The following EIF4EBP2 variants were observed in gnomAD, a reference collection of about 807,000 sequenced individuals.
EIF4EBP2 encodes the protein eukaryotic translation initiation factor 4E binding protein 2, also known as eukaryotic translation initiation factor 4E-binding protein 2.
EIF4EBP2 carries 5 observed loss-of-function variants against 10.3 expected under a neutral mutation model. The observed-to-expected ratio is 0.48, with a 90% CI of 0.25 to 1.02. EIF4EBP2 has a LOEUF of 1.02. Ranked by LOEUF, EIF4EBP2 falls within the 50% of genes least tolerant of loss-of-function variation. EIF4EBP2 has a pLI of 0.15. For synonymous variants in EIF4EBP2, 67 were observed against 61.1 expected (o/e 1.10, Z -0.45); for missense variants, 188 against 162.2 (o/e 1.16, Z -0.86).
intron 1 of EIF4EBP2, among the ~76,000 whole-genome samples, chr10:70,412,369 A>G (rs191626454): frequency 7.2e-4 from 108 of 148,970 alleles, no homozygotes; most frequent in African/African-American, 2.5e-3. Context: ...AGACTTAGTT[A>G]AACAGAATTT....
At chr10:70,419,405 C>T (rs932471382) in intron 1 of EIF4EBP2, among the ~76,000 whole-genome samples, 2 of 151,904 alleles carry the variant, frequency 1.3e-5, no homozygotes, top group Non-Finnish European at 2.9e-5. Flanking sequence ...GAATGTTAGT[C>T]TCAGTCCTTC....
intron 1 of EIF4EBP2, among the ~76,000 whole-genome samples, chr10:70,415,148 A>G (rs566803554): frequency 6.7e-6 from 1 of 150,218 alleles, no homozygotes; most frequent in East Asian, 2.0e-4. Context: ...ACAGAGCAAG[A>G]CCCTCTCTCG....
At chr10:70,419,873 C>A in intron 1 of EIF4EBP2, 41 bp from the exon 2 acceptor site, 1 of 1,413,330 alleles carries the variant, frequency 7.1e-7, no homozygotes, top group Non-Finnish European at 9.6e-7. Flanking sequence ...TGTTGATAAC[C>A]CCTTAAATTG....
chr10:70,425,684 G>T lies in EIF4EBP2; in HGVS notation c.*3937G>T, dbSNP rs3829188. On this transcript the variant is annotated 3_prime_UTR_variant, in exon 3 of 3. Transcript: ENST00000373218. ...TTTGCACATCCTAGACTTGGTGTCTGTAAGACTCAGTTACCACTTTTATTT... is the reference window on the plus strand; with the variant it reads ...TTTGCACATCCTAGACTTGGTGTCTTTAAGACTCAGTTACCACTTTTATTT... 1 of 152,096 alleles carries T rather than the reference G, an allele frequency of 6.6e-6. No homozygotes were observed. Among genetic ancestry groups the T allele is most frequent in the Non-Finnish European group, 1.5e-5 (1 of 68,018 alleles). The allele number at this position is 152,096 out of a possible 1,614,324, so 9.4% of individuals were successfully genotyped here. A position where few individuals can be genotyped will look rare whatever the true frequency, so the allele number is the denominator to read the frequency against.
At position 70,427,203 on chromosome 10, in the gene EIF4EBP2, ACCTAC is replaced by A. The variant is rs772835789; in HGVS notation, c.*5459_*5463del. 3.3e-5 allele frequency: 5 copies of A among 152,136 alleles called. No homozygotes were observed. Among genetic ancestry groups the A allele is most frequent in the Non-Finnish European group, 7.3e-5 (5 of 68,034 alleles). The allele number at this position is 152,136 out of a possible 1,614,324, so 9.4% of individuals were successfully genotyped here. ...ATTAATCTGCAAAACCTAGTCACTT[ACCTAC>A]CCATAATATCTGGGAAGGTGTGGTA... On this transcript the variant is annotated 3_prime_UTR_variant, in exon 3 of 3. Coordinates refer to ENST00000373218, the MANE Select transcript of EIF4EBP2 (RefSeq NM_004096.5).
Position 70,427,008 on chromosome 10 carries a change from A to G in EIF4EBP2, c.*5261A>G, listed in dbSNP as rs551082788. 1 of 152,210 alleles carries G rather than the reference A, an allele frequency of 6.6e-6. No homozygotes were observed. Among genetic ancestry groups the G allele is most frequent in the Non-Finnish European group, 1.5e-5 (1 of 68,052 alleles). 9.4% of individuals were successfully genotyped at this position (152,210 alleles called of 1,614,324 possible). Reference sequence around the variant, plus strand: ...GCATGTTGGCAGCAATATCCCAGAGATTGAATCTGTTTGCATTTTCCTCAT... The same window carrying G: ...GCATGTTGGCAGCAATATCCCAGAGGTTGAATCTGTTTGCATTTTCCTCAT... On this transcript the variant is annotated 3_prime_UTR_variant, in exon 3 of 3. Transcript: ENST00000373218.
At chr10:70,417,483 T>C (rs900756053) in intron 1 of EIF4EBP2, among the ~76,000 whole-genome samples, 2 of 152,238 alleles carry the variant, frequency 1.3e-5, no homozygotes, top group African/African-American at 4.8e-5. Flanking sequence ...AGTGGATCAA[T>C]TGTAAATGAA....
chr10:70,411,186 C>T lies in EIF4EBP2; in HGVS notation c.145+6640C>T, dbSNP rs189839866. Among the ~76,000 whole-genome samples the T allele has an allele frequency of 4.4e-3, 668 of 152,266 alleles. 2 individuals are homozygous for T. Among genetic ancestry groups the T allele is most frequent in the Non-Finnish European group, 7.1e-3 (485 of 68,004 alleles). Reference sequence around the variant, plus strand: ...CATCTTCAGAACGTTTTTCATCTTCCTAAACTGAAACCTCATACCAATTAA... The same window carrying T: ...CATCTTCAGAACGTTTTTCATCTTCTTAAACTGAAACCTCATACCAATTAA... On this transcript the variant is annotated intron_variant, in intron 1 of 2. Transcript: ENST00000373218.
At chr10:70,421,186 T>C (rs1845153823) in intron 2 of EIF4EBP2, among the ~76,000 whole-genome samples, 1 of 152,202 alleles carries the variant, frequency 6.6e-6, no homozygotes, top group South Asian at 2.1e-4. Flanking sequence ...GTTTAAGGTT[T>C]ACCTAAATTA....
intron 1 of EIF4EBP2, among the ~76,000 whole-genome samples, chr10:70,412,934 G>C (rs1010621600): frequency 6.6e-6 from 1 of 152,138 alleles, no homozygotes; most frequent in African/African-American, 2.4e-5. Context: ...GCAGAAAAAT[G>C]AAACTTCAAC....
At chr10:70,409,241 T>G (rs1332102823) in intron 1 of EIF4EBP2, among the ~76,000 whole-genome samples, 1 of 152,204 alleles carries the variant, frequency 6.6e-6, no homozygotes, top group Non-Finnish European at 1.5e-5. Flanking sequence ...CCCTTTCTCC[T>G]TATGAAGGAA....
rs539499423 is a variant in EIF4EBP2 at position 70,404,350 on chromosome 10, C to T, written c.-52C>T. On this transcript the variant is annotated 5_prime_UTR_variant, in exon 1 of 3. Transcript: ENST00000373218. ...CTGAGGAGCCGAAGCAGCCCCGGCCCCGCCGCCGCCGCCTGCCCGCCGGAC... is the reference window on the plus strand; with the variant it reads ...CTGAGGAGCCGAAGCAGCCCCGGCCTCGCCGCCGCCGCCTGCCCGCCGGAC... 1.1e-5 allele frequency: 16 copies of T among 1,405,640 alleles called. No individual in the cohort carries two copies. The highest frequency in any genetic ancestry group is 3.1e-5 in the East Asian group (1 of 32,298). 87.1% of individuals were successfully genotyped at this position (1,405,640 alleles called of 1,614,324 possible). A position where few individuals can be genotyped will look rare whatever the true frequency, so the allele number is the denominator to read the frequency against.
intron 1 of EIF4EBP2, among the ~76,000 whole-genome samples, chr10:70,419,606 G>A (rs1174228015): frequency 6.7e-6 from 1 of 149,772 alleles, no homozygotes; most frequent in African/African-American, 2.5e-5. Context: ...TGTAATACAT[G>A]ATGTGTGTAA....
intron 1 of EIF4EBP2, among the ~76,000 whole-genome samples, chr10:70,411,440 G>A (rs540950778): frequency 6.6e-6 from 1 of 151,018 alleles, no homozygotes; most frequent in South Asian, 2.1e-4. Flanking sequence ...CAACAAAGTT[G>A]TAAAAGTCAT....
chr10:70,415,362 G>C (rs1845083473), intron 1 of EIF4EBP2, among the ~76,000 whole-genome samples: 1 of 152,098 alleles, frequency 6.6e-6, no homozygotes, highest in Non-Finnish European at 1.5e-5. Flanking sequence ...TGTTAAGATG[G>C]TAGTACTCCA....
At chr10:70,408,405 C>T (rs923939202) in intron 1 of EIF4EBP2, among the ~76,000 whole-genome samples, 7 of 152,218 alleles carry the variant, frequency 4.6e-5, no homozygotes, top group African/African-American at 1.4e-4. Context: ...TCAGCCACTG[C>T]GCCTGGCTGT....
chr10:70,415,131 T>G (rs1845080244), intron 1 of EIF4EBP2, among the ~76,000 whole-genome samples: 1 of 150,828 alleles, frequency 6.6e-6, no homozygotes, highest in Admixed American at 6.6e-5. Context: ...GCCCTCTAGC[T>G]TGGACGACAG....
At chr10:70,412,034 A>C (rs1444893294) in intron 1 of EIF4EBP2, among the ~76,000 whole-genome samples, 1 of 152,152 alleles carries the variant, frequency 6.6e-6, no homozygotes, top group Admixed American at 6.6e-5. Context: ...CAAGGTGCTA[A>C]ACCCCAGGAT....
chr10:70,406,718 A>C (rs1385812022), intron 1 of EIF4EBP2, among the ~76,000 whole-genome samples: 4 of 150,926 alleles, frequency 2.7e-5, no homozygotes, highest in Admixed American at 6.6e-5. Flanking sequence ...CTAATTCATT[A>C]CCCCTCCTCC....
Sources: allele counts gnomAD v4.1 joint callset (sites outside exome capture counted in the v4.1 genomes callset), GRCh38; gene constraint gnomAD v4.1.1; transcripts MANE v1.5; gene names NCBI Gene and HGNC (gene_info 2026-07-23, HGNC 2026-07-21).